Variants in OR7E24 observed in about 807,000 individuals in gnomAD.
The protein encoded by OR7E24 is olfactory receptor family 7 subfamily E member 24.
For missense variants in OR7E24, 385 were observed against 410.3 expected (o/e 0.94, Z 0.53); for synonymous variants, 130 against 157.5 (o/e 0.83, Z 1.31).
At chr19:9,230,328 A>C in the OR7E24 span, among the ~76,000 whole-genome samples, 1 of 152,118 alleles carries the variant, frequency 6.6e-6, no homozygotes, top group Non-Finnish European at 1.5e-5. Context: ...TACAGGTGTG[A>C]GCCACCGCGC....
At chr19:9,216,206 A>G in the OR7E24 span, among the ~76,000 whole-genome samples, 1 of 152,154 alleles carries the variant, frequency 6.6e-6, no homozygotes, top group African/African-American at 2.4e-5. Flanking sequence ...TGCACCCCAC[A>G]GTCATCATGA....
the OR7E24 span, chr19:9,214,532 A>C: frequency 6.2e-7 from 1 of 1,614,208 alleles, no homozygotes; most frequent in South Asian, 1.1e-5. Context: ...TCATTAAAAA[A>C]TACACCTGAG....
chr19:9,245,959 CTG>C (rs2066128097), upstream of OR7E24, among the ~76,000 whole-genome samples: 1 of 150,778 alleles, frequency 6.6e-6, no homozygotes, highest in African/African-American at 2.4e-5. Context: ...GGAGCCCAGA[CTG>C]TTGCTGGTGA....
At chr19:9,241,344 A>G in the OR7E24 span, among the ~76,000 whole-genome samples, 2 of 152,214 alleles carry the variant, frequency 1.3e-5, no homozygotes, top group African/African-American at 4.8e-5. Flanking sequence ...CACAAAGGCA[A>G]GATTATGTTT....
At chr19:9,230,343 C>G in the OR7E24 span, among the ~76,000 whole-genome samples, 2 of 152,132 alleles carry the variant, frequency 1.3e-5, no homozygotes, top group East Asian at 3.8e-4. Context: ...CCGCGCCCAG[C>G]CTTGAAGTTC....
At chr19:9,228,376 T>A in the OR7E24 span, among the ~76,000 whole-genome samples, 1 of 152,204 alleles carries the variant, frequency 6.6e-6, no homozygotes, top group Admixed American at 6.5e-5. Context: ...TCTTTGAAAT[T>A]AAACACATTC....
At position 9,251,395 on chromosome 19, in the gene OR7E24, CAG is replaced by C. The variant is rs2066146761; in HGVS notation, c.342_343del (p.Gln114HisfsTer12). The stretch of plus-strand genomic sequence containing the variant: ...CATCTCCTATGAAGGCTGCCTGACT[CAG>C]ATGTCTTTTTTTGTCCTTTTTGCAT... On this transcript the variant is annotated frameshift_variant, in exon 2 of 2. Transcript: ENST00000641946. LOFTEE classifies it low-confidence loss of function (END_TRUNC). 6.2e-7 allele frequency: 1 copy of C among 1,614,144 alleles called. No homozygotes were observed. Among genetic ancestry groups the C allele is most frequent in the Non-Finnish European group, 8.5e-7 (1 of 1,180,034 alleles).
At chr19:9,229,380 C>T in the OR7E24 span, among the ~76,000 whole-genome samples, 5 of 151,610 alleles carry the variant, frequency 3.3e-5, no homozygotes, top group Non-Finnish European at 7.4e-5. Context: ...AAAAAAACTA[C>T]AAAAATTAGC....
chr19:9,233,611 G>T, the OR7E24 span, among the ~76,000 whole-genome samples: 1 of 152,200 alleles, frequency 6.6e-6, no homozygotes, highest in Non-Finnish European at 1.5e-5. Context: ...TAGAAGTGTT[G>T]TATGGCAGTC....
At chr19:9,237,664 G>A in the OR7E24 span, among the ~76,000 whole-genome samples, 3 of 152,088 alleles carry the variant, frequency 2.0e-5, no homozygotes, top group African/African-American at 7.2e-5. Context: ...TTTTTATGGT[G>A]GAGCAATATT....
At chr19:9,212,443 A>G in the OR7E24 span, 1 of 152,220 alleles carries the variant, frequency 6.6e-6, no homozygotes, top group Admixed American at 6.5e-5. Context: ...CAAATCAGTG[A>G]AAAATGATAA....
the OR7E24 span, chr19:9,209,311 G>A: frequency 6.6e-6 from 1 of 152,110 alleles, no homozygotes; most frequent in Non-Finnish European, 1.5e-5. Flanking sequence ...CAAATTAATT[G>A]CAGTAGTCTT....
At chr19:9,224,018 T>A in the OR7E24 span, among the ~76,000 whole-genome samples, 1 of 151,870 alleles carries the variant, frequency 6.6e-6, no homozygotes, top group African/African-American at 2.4e-5. Flanking sequence ...ACCCAGCTAA[T>A]TTTTTGTATT....
At chr19:9,244,413 G>A (rs1286551739), upstream of OR7E24, among the ~76,000 whole-genome samples, 1 of 152,206 alleles carries the variant, frequency 6.6e-6, no homozygotes, top group East Asian at 1.9e-4. Context: ...ATGGTCACAT[G>A]ATTTTCCACA....
At chr19:9,226,279 G>A in the OR7E24 span, among the ~76,000 whole-genome samples, 1 of 152,102 alleles carries the variant, frequency 6.6e-6, no homozygotes, top group African/African-American at 2.4e-5. Context: ...CTGCAGAAAG[G>A]GTACACTCGC....
chr19:9,249,331 C>T (rs1411602630), upstream of OR7E24, among the ~76,000 whole-genome samples: 1 of 152,044 alleles, frequency 6.6e-6, no homozygotes, highest in Admixed American at 6.6e-5. Flanking sequence ...TTGAATAGAC[C>T]CTTCCTTAGT....
chr19:9,236,441 C>T, the OR7E24 span, among the ~76,000 whole-genome samples: 9 of 151,638 alleles, frequency 5.9e-5, no homozygotes, highest in Admixed American at 2.0e-4. Flanking sequence ...ACCCAGGAGG[C>T]GGAGGTTTCA....
At chr19:9,247,313 T>C (rs1175345320), upstream of OR7E24, 1 of 394,628 alleles carries the variant, frequency 2.5e-6, no homozygotes, top group African/African-American at 2.1e-5. Context: ...GAATAGTAAA[T>C]ACTCAGCCTA....
chr19:9,207,205 T>A, the OR7E24 span: 1 of 152,244 alleles, frequency 6.6e-6, no homozygotes, highest in African/African-American at 2.4e-5. Context: ...ATTTCACTCT[T>A]GTGCGTACTG....
Sources: gnomAD v4.1 joint callset for allele counts (sites outside exome capture counted in the v4.1 genomes callset) on GRCh38, gnomAD v4.1.1 for gene constraint, MANE v1.5 for transcripts, NCBI Gene and HGNC (gene_info 2026-07-23, HGNC 2026-07-21) for gene names.